Variants in MYBPC1 observed in about 807,000 individuals in gnomAD.
MYBPC1 encodes the protein myosin binding protein C1.
MYBPC1 carries 52 observed loss-of-function variants against 147.1 expected under a neutral mutation model. That is an observed-to-expected ratio of 0.35 (90% CI 0.28 to 0.45). The LOEUF (loss-of-function observed/expected upper bound fraction) is 0.45. Ranked by LOEUF, MYBPC1 falls within the 20% of genes least tolerant of loss-of-function variation. The pLI is 1.00. For synonymous variants in MYBPC1, 477 were observed against 475.9 expected (o/e 1.00, Z -0.03); for missense variants, 1,228 against 1,440.3 (o/e 0.85, Z 2.39).
intron 12 of MYBPC1, among the ~76,000 whole-genome samples, chr12:101,645,544 G>A (rs1892918255): frequency 6.6e-6 from 1 of 152,176 alleles, no homozygotes; most frequent in African/African-American, 2.4e-5. Flanking sequence ...AGTACAATTA[G>A]GTGGTTTCCA....
intron 1 of MYBPC1, chr12:101,600,534 T>C (rs1879482367): frequency 6.6e-6 from 1 of 151,502 alleles, no homozygotes. Flanking sequence ...ACATTCTTCT[T>C]TTCAATTTTG....
At chr12:101,605,893 C>T (rs530432876) in intron 1 of MYBPC1, among the ~76,000 whole-genome samples, 1 of 151,618 alleles carries the variant, frequency 6.6e-6, no homozygotes, top group South Asian at 2.1e-4. Flanking sequence ...AAATTGATAA[C>T]GTTTAAAATA....
intron 31 of MYBPC1, 45 bp downstream of exon 31, chr12:101,684,469 T>C (rs1401788241): frequency 7.7e-6 from 11 of 1,428,604 alleles, no homozygotes; most frequent in Admixed American, 1.7e-5. Context: ...ATGACTGTCA[T>C]AAGCCATACC....
chr12:101,608,912 C>T (rs1482472508), intron 1 of MYBPC1, among the ~76,000 whole-genome samples: 1 of 152,088 alleles, frequency 6.6e-6, no homozygotes, highest in Non-Finnish European at 1.5e-5. Flanking sequence ...ACATAGTGTT[C>T]CTTGTGGGTA....
rs1950866887 is a variant in MYBPC1, at chr12:101,680,454, G to A, written c.3358G>A (p.Asp1120Asn). ...TLEIRKPSPYDGGTYCCKAVN... is the reference protein window; with the variant it reads ...TLEIRKPSPYNGGTYCCKAVN... ...GGAAATTCGCAAGCCCAGCCCCTAT[G>A]ATGGAGGCACTTACTGCTGCAAAGC... Residue 1120 changes from aspartate to asparagine, a missense_variant, in exon 29 of 32, where the codon GAT (aspartate) becomes AAT (asparagine). This residue lies in a region of MYBPC1 where 1,077 missense variants were observed against 1,314.2 expected (regional missense o/e 0.82). Coordinates refer to ENST00000361466, the MANE Select transcript of MYBPC1 (RefSeq NM_002465.4). 1.2e-6 allele frequency: 2 copies of A among 1,614,152 alleles called. No individual in the cohort carries two copies. The highest frequency in any genetic ancestry group is 1.7e-6 in the Non-Finnish European group (2 of 1,179,980).
At chr12:101,647,128 T>G (rs1417299473) in intron 13 of MYBPC1, 3 of 511,482 alleles carry the variant, frequency 5.9e-6, no homozygotes, top group African/African-American at 1.9e-5. Context: ...ATTCTAGTTA[T>G]AGCTTTGAAA....
At chr12:101,662,045 G>C (rs1295207628) in intron 20 of MYBPC1, among the ~76,000 whole-genome samples, 2 of 152,050 alleles carry the variant, frequency 1.3e-5, no homozygotes, top group Non-Finnish European at 2.9e-5. Context: ...CTGGGACTCA[G>C]AGTCAACTAC....
intron 16 of MYBPC1, among the ~76,000 whole-genome samples, chr12:101,651,640 A>G (rs917676164): frequency 2.0e-5 from 3 of 152,052 alleles, no homozygotes; most frequent in Non-Finnish European, 4.4e-5. Flanking sequence ...CTCTTTTTCC[A>G]TTTAAACATG....
chr12:101,686,868 T>C (rs1294011362), downstream of MYBPC1, among the ~76,000 whole-genome samples: 1 of 152,188 alleles, frequency 6.6e-6, no homozygotes, highest in Non-Finnish European at 1.5e-5. Context: ...CAAAAGAAAG[T>C]CTAGTTTATG....
intron 25 of MYBPC1, 41 bp downstream of exon 25, chr12:101,673,663 G>A (rs373518965): frequency 4.8e-5 from 77 of 1,603,276 alleles, no homozygotes; most frequent in Non-Finnish European, 6.2e-5. Context: ...TGTCAAAGCA[G>A]TACAGGGATG....
chr12:101,628,414 A>C (rs577805672), intron 5 of MYBPC1, among the ~76,000 whole-genome samples: 3 of 152,356 alleles, frequency 2.0e-5, no homozygotes, highest in African/African-American at 7.2e-5. Flanking sequence ...ATGTAATCAC[A>C]TGACTATGAT....
At chr12:101,635,992 G>A (rs1031256160) in intron 9 of MYBPC1, among the ~76,000 whole-genome samples, 10 of 152,196 alleles carry the variant, frequency 6.6e-5, no homozygotes, top group African/African-American at 2.4e-4. Flanking sequence ...TTTTTAAACT[G>A]CTAGTAAAAG....
downstream of MYBPC1, among the ~76,000 whole-genome samples, chr12:101,688,875 C>T (rs1951382586): frequency 6.7e-6 from 1 of 149,510 alleles, no homozygotes; most frequent in South Asian, 2.1e-4. Flanking sequence ...ATAGCTTAAA[C>T]CCAGGAGGTG....
chr12:101,637,660 C>A (rs1565935707), intron 10 of MYBPC1, among the ~76,000 whole-genome samples: 1 of 151,948 alleles, frequency 6.6e-6, no homozygotes, highest in South Asian at 2.1e-4. Flanking sequence ...ACTTTTAGTG[C>A]TTTCTATGGT....
chr12:101,680,019 C>T (rs890650610), intron 28 of MYBPC1, among the ~76,000 whole-genome samples: 1 of 152,210 alleles, frequency 6.6e-6, no homozygotes, highest in South Asian at 2.1e-4. Flanking sequence ...GCTGTACATT[C>T]GATGCCCAGA....
At chr12:101,624,710 A>G (rs1412409365) in intron 3 of MYBPC1, among the ~76,000 whole-genome samples, 1 of 35,258 alleles carries the variant, frequency 2.8e-5, no homozygotes, top group African/African-American at 1.3e-4. Flanking sequence ...TTTTTTTTTT[A>G]CGGAGAGAGT....
At chr12:101,690,098 C>G (rs1454160579), downstream of MYBPC1, among the ~76,000 whole-genome samples, 4 of 152,142 alleles carry the variant, frequency 2.6e-5, no homozygotes, top group Admixed American at 2.0e-4. Flanking sequence ...TCACTTGAAC[C>G]CGGGAGGCGG....
chr12:101,669,183 G>A (rs775587683), intron 23 of MYBPC1, among the ~76,000 whole-genome samples: 31 of 152,138 alleles, frequency 2.0e-4, no homozygotes, highest in Admixed American at 4.6e-4. Flanking sequence ...GAAATGCAAA[G>A]TATGTCTGAA....
At chr12:101,642,635 G>T in intron 11 of MYBPC1, 50 bp downstream of exon 11, 6 of 1,565,838 alleles carry the variant, frequency 3.8e-6, no homozygotes, top group South Asian at 1.2e-5. Context: ...GGCAGCGTTC[G>T]AAAGCCTTGA....
Sources: gnomAD v4.1 joint callset for allele counts (sites outside exome capture counted in the v4.1 genomes callset) on GRCh38, gnomAD v4.1.1 for gene constraint, gnomAD v4.1.1 regional missense constraint, MANE v1.5 for transcripts, NCBI Gene and HGNC (gene_info 2026-07-23, HGNC 2026-07-21) for gene names.